CARMIL1: variants seen among roughly 807,000 people sequenced by gnomAD.
CARMIL1 encodes capping protein regulator and myosin 1 linker 1, also known as F-actin-uncapping protein LRRC16A.
In CARMIL1, 90 loss-of-function variants were observed where a neutral mutation model predicts 177.1. That is an observed-to-expected ratio of 0.51 (90% confidence interval 0.43 to 0.61). The LOEUF (loss-of-function observed/expected upper bound fraction) is 0.61. CARMIL1 is among the 20% of genes least tolerant of loss of function. The pLI is 0.00. For missense variants in CARMIL1, 1,380 were observed against 1,667.0 expected (o/e 0.83, Z 3.00); for synonymous variants, 577 against 606.2 (o/e 0.95, Z 0.71).
At chr6:25,407,179 A>G (rs1043946364) in intron 2 of CARMIL1, among the ~76,000 whole-genome samples, 1 of 152,132 alleles carries the variant, frequency 6.6e-6, no homozygotes, top group African/African-American at 2.4e-5. Flanking sequence ...GGAGGCAGGA[A>G]TATGAAGACA....
intron 5 of CARMIL1, among the ~76,000 whole-genome samples, chr6:25,445,790 G>A (rs1017190866): frequency 9.2e-5 from 14 of 152,070 alleles, no homozygotes; most frequent in Admixed American, 3.3e-4. Context: ...CACACGCCTC[G>A]GCTGGGATTA....
chr6:25,333,037 A>T (rs1193847015), intron 2 of CARMIL1, among the ~76,000 whole-genome samples: 1 of 152,196 alleles, frequency 6.6e-6, no homozygotes, highest in African/African-American at 2.4e-5. Context: ...GTTTACACTC[A>T]GATGTGATTC....
intron 5 of CARMIL1, among the ~76,000 whole-genome samples, chr6:25,442,455 A>AGT (rs1393730413): frequency 1.5e-4 from 21 of 143,826 alleles, no homozygotes; most frequent in Non-Finnish European, 2.9e-4. Flanking sequence ...TCTATTTAAC[A>AGT]GTGTGTGTGT....
In CARMIL1 at chr6:25,510,757, G is replaced by C. The variant is rs1285803049; in HGVS notation, c.1627G>C (p.Glu543Gln). ...CTTAGTACAGATGATTCAAGATGAA[G>C]AATCAGTGAGTATTATGTTAAACTT... ...DNLVQMIQDEESPLQSLSLAD... is the reference protein window; with the variant it reads ...DNLVQMIQDEQSPLQSLSLAD... The change falls in exon 20 of 37, where the codon GAA becomes CAA. Residue 543 changes from glutamate to glutamine, a missense_variant. By Grantham distance (29) the Glu-to-Gln change is conservative (BLOSUM62 2). Coordinates refer to ENST00000329474, the MANE Select transcript of CARMIL1 (RefSeq NM_017640.6). 1 of 1,525,210 alleles carries C rather than the reference G, an allele frequency of 6.6e-7. No individual in the cohort carries two copies. The highest frequency in any genetic ancestry group is 8.9e-7 in the Non-Finnish European group (1 of 1,127,426). The allele number at this position is 1,525,210 out of a possible 1,614,324, so 94.5% of individuals were successfully genotyped here.
chr6:25,437,765 C>T (rs891610132), intron 5 of CARMIL1, among the ~76,000 whole-genome samples: 1 of 152,210 alleles, frequency 6.6e-6, no homozygotes, highest in Non-Finnish European at 1.5e-5. Flanking sequence ...GTGCTCATCT[C>T]TTGGTCCTTA....
intron 2 of CARMIL1, among the ~76,000 whole-genome samples, chr6:25,336,701 T>G (rs949079408): frequency 2.6e-5 from 4 of 152,202 alleles, no homozygotes; most frequent in Non-Finnish European, 5.9e-5. Flanking sequence ...CTCAGGCCCC[T>G]TTTATAGTAC....
chr6:25,500,914 C>G (rs1003992037), intron 17 of CARMIL1, among the ~76,000 whole-genome samples: 1 of 151,828 alleles, frequency 6.6e-6, no homozygotes, highest in Non-Finnish European at 1.5e-5. Context: ...CGCCCGCCAC[C>G]ACGCCCGGCT....
At chr6:25,609,946 T>G in intron 35 of CARMIL1, 104 bp from the exon 36 acceptor site, 2 of 1,324,962 alleles carry the variant, frequency 1.5e-6, no homozygotes, top group Non-Finnish European at 2.0e-6. Context: ...CTATGATGCT[T>G]TATTTTTTTA....
chr6:25,407,885 G>T (rs1794526319), intron 2 of CARMIL1, among the ~76,000 whole-genome samples: 1 of 152,198 alleles, frequency 6.6e-6, no homozygotes, highest in African/African-American at 2.4e-5. Flanking sequence ...ATGCTAATGT[G>T]AATCACCTGG....
chr6:25,360,971 A>C (rs534127810), intron 2 of CARMIL1, among the ~76,000 whole-genome samples: 5 of 152,186 alleles, frequency 3.3e-5, no homozygotes, highest in Non-Finnish European at 5.9e-5. Flanking sequence ...TTTTGTTTTC[A>C]AACATGTTGG....
intron 2 of CARMIL1, among the ~76,000 whole-genome samples, chr6:25,296,924 T>TCTATCTATCTATCTAA (rs377456616): frequency 0.021 from 1,321 of 64,438 alleles, 7 homozygotes; most frequent in Middle Eastern, 0.059. Context: ...TATCTATCTA[T>TCTATCTATCTATCTAA]CTATCTATCT....
intron 2 of CARMIL1, among the ~76,000 whole-genome samples, chr6:25,364,572 C>CATTTTTTTTTTT (rs1789567626): frequency 6.6e-6 from 1 of 150,470 alleles, no homozygotes; most frequent in Non-Finnish European, 1.5e-5. Context: ...TCTTTTTCTT[C>CATTTTTTTTTTT]TTTTTTTTGA....
chr6:25,534,717 T>C (rs890617659), intron 24 of CARMIL1, among the ~76,000 whole-genome samples: 1 of 152,176 alleles, frequency 6.6e-6, no homozygotes, highest in Admixed American at 6.5e-5. Context: ...TATTACATTA[T>C]GTAGCACTTT....
In CARMIL1 at chr6:25,615,485, T is replaced by C. The variant is rs191320689; in HGVS notation, c.3980-3962T>C. On this transcript the variant is annotated intron_variant, in intron 36 of 36. Transcript: ENST00000329474. The stretch of plus-strand genomic sequence containing the variant: ...GTTGTGATGTTCTTGTAAGAGTGTA[T>C]CCTATTTTCTTGAAGAAAATAGTTG... 2.2e-3 allele frequency among the ~76,000 whole-genome samples: 342 copies of C among 152,328 alleles called. 3 individuals are homozygous for C. The highest frequency in any genetic ancestry group is 1.9e-3 in the Non-Finnish European group (132 of 68,032).
chr6:25,548,540 A>G (rs549279176), intron 26 of CARMIL1, among the ~76,000 whole-genome samples: 1 of 152,198 alleles, frequency 6.6e-6, no homozygotes, highest in Non-Finnish European at 1.5e-5. Context: ...CTGGAATAAC[A>G]GTTTGAAGCC....
chr6:25,400,066 G>T (rs557530639), intron 2 of CARMIL1, among the ~76,000 whole-genome samples: 1 of 152,268 alleles, frequency 6.6e-6, no homozygotes, highest in African/African-American at 2.4e-5. Flanking sequence ...CTTGAGAAGC[G>T]CTGTACCATT....
intron 3 of CARMIL1, 67 bp from the exon 4 acceptor site, chr6:25,426,434 T>A: frequency 8.6e-7 from 1 of 1,166,162 alleles, no homozygotes; most frequent in South Asian, 1.4e-5. Flanking sequence ...TTTTTTACCT[T>A]AAGTTATATG....
intron 23 of CARMIL1, among the ~76,000 whole-genome samples, chr6:25,526,434 A>G (rs1807146879): frequency 6.6e-6 from 1 of 151,558 alleles, no homozygotes; most frequent in South Asian, 2.1e-4. Context: ...AGGTGACTTT[A>G]AAGCTTATAT....
chr6:25,568,561 T>G (rs2151211610), intron 29 of CARMIL1, among the ~76,000 whole-genome samples: 1 of 152,170 alleles, frequency 6.6e-6, no homozygotes, highest in Admixed American at 6.5e-5. Context: ...AGCTGTAGGG[T>G]GGGTACCTGC....
Sources: allele counts gnomAD v4.1 joint callset (sites outside exome capture counted in the v4.1 genomes callset), GRCh38; gene constraint gnomAD v4.1.1; transcripts MANE v1.5; gene names NCBI Gene and HGNC (gene_info 2026-07-23, HGNC 2026-07-21).